Variants in TTLL1 observed in about 807,000 individuals in gnomAD.
The protein encoded by TTLL1 is polyglutamylase complex subunit TTLL1.
Under a neutral mutation model 47.8 loss-of-function variants are expected in TTLL1, and 33 were observed. That is an observed-to-expected ratio of 0.69 (90% confidence interval 0.52 to 0.92). TTLL1 has a LOEUF of 0.92. Among genes scored for constraint, TTLL1 ranks in the 40% least tolerant of loss-of-function variants. The pLI, the probability that TTLL1 is intolerant of heterozygous loss-of-function variation, is 0.00. For synonymous variants in TTLL1, 225 were observed against 214.1 expected (o/e 1.05, Z -0.45); for missense variants, 488 against 547.5 (o/e 0.89, Z 1.08).
intron 10 of TTLL1, among the ~76,000 whole-genome samples, chr22:43,044,835 C>A (rs947000400): frequency 1.3e-5 from 2 of 151,884 alleles, no homozygotes; most frequent in Non-Finnish European, 2.9e-5. Flanking sequence ...GGCAACCTCC[C>A]AGGCCCCATG....
In TTLL1 at chr22:43,059,426, G is replaced by A. The variant is rs5759125; in HGVS notation, c.849C>T (p.Asp283=). The change falls in exon 8 of 11, where the codon GAC becomes GAT. Residue 283 remains aspartate (D), a synonymous_variant. Transcript: ENST00000266254. Reference sequence around the variant, plus strand: ...ACTGCACGATGATCCAGTGGATCTCGTCGAACAGCTTGCTGGTCACCTCCT... The same window carrying A: ...ACTGCACGATGATCCAGTGGATCTCATCGAACAGCTTGCTGGTCACCTCCT... ...RGKEVTSKLF[D]EIHWIIVQSL... The A allele has an allele frequency of 0.15, 244,579 of 1,613,694 alleles. 31,593 individuals are homozygous for A. The highest frequency in any genetic ancestry group is 0.67 in the East Asian group (29,966 of 44,830).
intron 5 of TTLL1, among the ~76,000 whole-genome samples, chr22:43,066,950 T>C (rs1376420210): frequency 6.6e-6 from 1 of 151,640 alleles, no homozygotes; most frequent in African/African-American, 2.4e-5. Context: ...ATTGTACCAC[T>C]GTACTCCAGC....
At chr22:43,088,204 G>C (rs1407181578) in intron 1 of TTLL1, among the ~76,000 whole-genome samples, 2 of 151,980 alleles carry the variant, frequency 1.3e-5, no homozygotes, top group South Asian at 2.1e-4. Context: ...ATGTTGAGCA[G>C]GGCATTCGTT....
chr22:43,074,298 A>G (rs1456298288), intron 3 of TTLL1, among the ~76,000 whole-genome samples: 2 of 151,806 alleles, frequency 1.3e-5, no homozygotes, highest in Non-Finnish European at 2.9e-5. Context: ...GTGGTGGCAC[A>G]TGCTTGTAAT....
At chr22:43,074,113 A>T (rs1178747590) in intron 3 of TTLL1, among the ~76,000 whole-genome samples, 1 of 151,620 alleles carries the variant, frequency 6.6e-6, no homozygotes, top group Non-Finnish European at 1.5e-5. Flanking sequence ...CATGACGGCC[A>T]GAACAAGAGC....
intron 9 of TTLL1, among the ~76,000 whole-genome samples, chr22:43,048,964 A>T (rs566058197): frequency 6.6e-6 from 1 of 151,898 alleles, no homozygotes; most frequent in Non-Finnish European, 1.5e-5. Flanking sequence ...AAATACCCAA[A>T]ACACTAGGCT....
chr22:43,045,116 C>G (rs2146958255), intron 10 of TTLL1, among the ~76,000 whole-genome samples: 1 of 152,318 alleles, frequency 6.6e-6, no homozygotes, highest in South Asian at 2.1e-4. Flanking sequence ...CTGCCTTGGC[C>G]TCCTGAAGTG....
chr22:43,063,693 T>C, intron 7 of TTLL1, 120 bp downstream of exon 7: 1 of 798,046 alleles, frequency 1.3e-6, no homozygotes, highest in Non-Finnish European at 2.1e-6. Context: ...CTCGAACTCC[T>C]GACCTCAGGT....
At chr22:43,055,756 G>A (rs939046008) in intron 8 of TTLL1, among the ~76,000 whole-genome samples, 6 of 151,900 alleles carry the variant, frequency 3.9e-5, no homozygotes, top group Admixed American at 1.3e-4. Context: ...TTACAAGCAT[G>A]AGCCACCACG....
chr22:43,041,784 G>C (rs1334311102), intron 10 of TTLL1, among the ~76,000 whole-genome samples: 1 of 152,150 alleles, frequency 6.6e-6, no homozygotes. Flanking sequence ...CCAAAGTGCT[G>C]GGATTACAGG....
rs752042192 is a variant in TTLL1, at chr22:43,052,221, C to T, written c.892-334G>A. 6 of 363,668 alleles carry T rather than the reference C, an allele frequency of 1.6e-5. No homozygotes were observed. In the Admixed American group the frequency reaches 1.8e-4, roughly 11 times the overall value. The allele number at this position is 363,668 out of a possible 1,614,324, so 22.5% of individuals were successfully genotyped here. A position where few individuals can be genotyped will look rare whatever the true frequency, so the allele number is the denominator to read the frequency against. ...TGTCCAGCTCCAAGCCCAGAACCTGCAGTGAAGGTCTGTGCAGCCTTATCA... is the reference window on the plus strand; with the variant it reads ...TGTCCAGCTCCAAGCCCAGAACCTGTAGTGAAGGTCTGTGCAGCCTTATCA... On this transcript the variant is annotated intron_variant, in intron 8 of 10. Coordinates refer to ENST00000266254, the MANE Select transcript of TTLL1 (RefSeq NM_012263.5).
chr22:43,087,831 C>T (rs1012376980), intron 1 of TTLL1, among the ~76,000 whole-genome samples: 32 of 98,994 alleles, frequency 3.2e-4, no homozygotes, highest in East Asian at 8.3e-4. Context: ...CAGAGTGAGA[C>T]GGTCTCAAAA....
chr22:43,060,211 C>A (rs958692718), intron 7 of TTLL1, among the ~76,000 whole-genome samples: 1 of 152,184 alleles, frequency 6.6e-6, no homozygotes, highest in Non-Finnish European at 1.5e-5. Flanking sequence ...GGAGTGCTGC[C>A]GGGATACCCT....
chr22:43,041,925 G>A (rs903559890), intron 10 of TTLL1, among the ~76,000 whole-genome samples: 1 of 152,088 alleles, frequency 6.6e-6, no homozygotes, highest in Non-Finnish European at 1.5e-5. Context: ...TCTGGCTCTC[G>A]AAGGAGAGAC....
chr22:43,088,503 AT>A (rs11310162), intron 1 of TTLL1, among the ~76,000 whole-genome samples: 97,604 of 144,040 alleles, frequency 0.68, 33,048 homozygotes, highest in East Asian at 0.9. Context: ...TGCCCGGCTA[AT>A]TTTTTTTTTT....
chr22:43,061,844 T>G (rs543338939), intron 7 of TTLL1, among the ~76,000 whole-genome samples: 1 of 152,302 alleles, frequency 6.6e-6, no homozygotes, highest in East Asian at 1.9e-4. Context: ...CCTCTCTGGA[T>G]TATCCCTACT....
intron 8 of TTLL1, among the ~76,000 whole-genome samples, chr22:43,058,166 G>T (rs11090137): frequency 1.3e-5 from 2 of 151,916 alleles, no homozygotes; most frequent in South Asian, 4.2e-4. Context: ...GGATGGTCTC[G>T]ATCTCCTGAC....
chr22:43,043,268 G>A (rs1342303667), intron 10 of TTLL1, among the ~76,000 whole-genome samples: 1 of 151,952 alleles, frequency 6.6e-6, no homozygotes, highest in Non-Finnish European at 1.5e-5. Flanking sequence ...CCGGGAAATG[G>A]CGAGTCTGGC....
chr22:43,045,427 A>T (rs1926037227), intron 10 of TTLL1, among the ~76,000 whole-genome samples: 1 of 150,684 alleles, frequency 6.6e-6, no homozygotes. Flanking sequence ...CTCGAAAGTT[A>T]GCTATTTCCT....
Sources: allele counts gnomAD v4.1 joint callset (sites outside exome capture counted in the v4.1 genomes callset), GRCh38; gene constraint gnomAD v4.1.1; transcripts MANE v1.5; gene names NCBI Gene and HGNC (gene_info 2026-07-23, HGNC 2026-07-21).